Variants in GALNTL6 observed in about 807,000 individuals in gnomAD.
GALNTL6 encodes polypeptide N-acetylgalactosaminyltransferase-like 6.
In GALNTL6, 46 loss-of-function variants were observed where a neutral mutation model predicts 73.7. The observed-to-expected ratio is 0.62, with a 90% CI of 0.49 to 0.80. The LOEUF is 0.80. Ranked by LOEUF, GALNTL6 falls within the 30% of genes least tolerant of loss-of-function variation. GALNTL6 has a pLI of 0.00. For missense variants in GALNTL6, 604 were observed against 755.0 expected, an observed-to-expected ratio of 0.80 and a Z score of 2.34; for synonymous variants, 259 against 263.7, an observed-to-expected ratio of 0.98 and a Z score of 0.17.
Position 171,814,434 on chromosome 4 carries a change from T to G in GALNTL6, c.-147T>G. ...CAGATGGCCAACTCCCTCTGAATCCTGCAGATTGGTGCTGAGCACGCAACA... is the reference window on the plus strand; with the variant it reads ...CAGATGGCCAACTCCCTCTGAATCCGGCAGATTGGTGCTGAGCACGCAACA... On this transcript the variant is annotated 5_prime_UTR_variant, in exon 2 of 13. Transcript: ENST00000506823. 1.3e-6 allele frequency: 1 copy of G among 740,864 alleles called. No homozygotes were observed. Among genetic ancestry groups the G allele is most frequent in the Non-Finnish European group, 2.2e-6 (1 of 453,230 alleles). 45.9% of individuals were successfully genotyped at this position (740,864 alleles called of 1,614,324 possible). A position where few individuals can be genotyped will look rare whatever the true frequency, so the allele number is the denominator to read the frequency against.
At chr4:172,074,593 G>C (rs955479570) in intron 2 of GALNTL6, among the ~76,000 whole-genome samples, 1 of 151,864 alleles carries the variant, frequency 6.6e-6, no homozygotes, top group African/African-American at 2.4e-5. Flanking sequence ...TATAGCATAT[G>C]ACAAAATATA....
intron 2 of GALNTL6, among the ~76,000 whole-genome samples, chr4:172,115,559 G>A (rs888052948): frequency 5.9e-5 from 9 of 152,042 alleles, no homozygotes; most frequent in African/African-American, 2.2e-4. Context: ...AGAAACTAAT[G>A]ATGTATGTAA....
chr4:172,385,349 C>A (rs922529277), intron 5 of GALNTL6, among the ~76,000 whole-genome samples: 1 of 151,960 alleles, frequency 6.6e-6, no homozygotes, highest in South Asian at 2.1e-4. Flanking sequence ...CCTAGTTGTT[C>A]TATTCATTGT....
At chr4:172,612,012 G>A (rs944230649) in intron 5 of GALNTL6, among the ~76,000 whole-genome samples, 2 of 152,002 alleles carry the variant, frequency 1.3e-5, no homozygotes, top group African/African-American at 2.4e-5. Context: ...TAATCCCATT[G>A]TCTCAGTCTC....
chr4:171,854,950 A>G (rs896883431), intron 2 of GALNTL6, among the ~76,000 whole-genome samples: 1 of 152,190 alleles, frequency 6.6e-6, no homozygotes, highest in Non-Finnish European at 1.5e-5. Context: ...GCTATGCTCT[A>G]GCTGAGACGA....
chr4:172,194,480 C>A (rs1735688275), intron 2 of GALNTL6, among the ~76,000 whole-genome samples: 1 of 152,092 alleles, frequency 6.6e-6, no homozygotes, highest in African/African-American at 2.4e-5. Flanking sequence ...ATAAGAAGAT[C>A]AACCACAAGG....
At chr4:172,880,610 C>G (rs972103618) in intron 7 of GALNTL6, among the ~76,000 whole-genome samples, 75 of 152,200 alleles carry the variant, frequency 4.9e-4, no homozygotes, top group African/African-American at 1.8e-3. Context: ...CAAAACCTAT[C>G]AAACTGTACA....
chr4:172,268,073 A>G (rs1197567501), intron 3 of GALNTL6, among the ~76,000 whole-genome samples: 3 of 152,224 alleles, frequency 2.0e-5, no homozygotes, highest in Non-Finnish European at 2.9e-5. Context: ...TGGATATGCA[A>G]TTCTAAAGAT....
At chr4:171,823,955 C>T (rs1334500440) in intron 2 of GALNTL6, among the ~76,000 whole-genome samples, 1 of 150,288 alleles carries the variant, frequency 6.7e-6, no homozygotes, top group African/African-American at 2.4e-5. Context: ...TATAATAAAA[C>T]AACAATAAAA....
At chr4:171,947,207 T>C (rs182883659) in intron 2 of GALNTL6, among the ~76,000 whole-genome samples, 1 of 152,240 alleles carries the variant, frequency 6.6e-6, no homozygotes, top group Admixed American at 6.6e-5. Flanking sequence ...GTCATTCACC[T>C]CTTTTGCTTT....
intron 5 of GALNTL6, among the ~76,000 whole-genome samples, chr4:172,556,671 G>A (rs1338401928): frequency 1.3e-5 from 2 of 149,702 alleles, no homozygotes; most frequent in East Asian, 2.0e-4. Context: ...CTCCTAAAAT[G>A]TTTTCTGCAT....
At chr4:172,953,266 G>A (rs1749548627) in intron 10 of GALNTL6, among the ~76,000 whole-genome samples, 1 of 152,198 alleles carries the variant, frequency 6.6e-6, no homozygotes, top group South Asian at 2.1e-4. Context: ...TGTTGCTATA[G>A]CCTTTCTCCG....
At chr4:172,697,444 G>A (rs1314819841) in intron 5 of GALNTL6, among the ~76,000 whole-genome samples, 1 of 152,210 alleles carries the variant, frequency 6.6e-6, no homozygotes, top group Admixed American at 6.5e-5. Flanking sequence ...TCACTGGAGA[G>A]CAGTTGAGTA....
At chr4:172,938,078 T>C (rs1242409099) in intron 9 of GALNTL6, among the ~76,000 whole-genome samples, 1 of 152,182 alleles carries the variant, frequency 6.6e-6, no homozygotes, top group Admixed American at 6.5e-5. Context: ...TTCCTATGGT[T>C]ATTATACTTC....
chr4:173,002,275 A>T (rs572051760), intron 10 of GALNTL6, among the ~76,000 whole-genome samples: 1 of 151,972 alleles, frequency 6.6e-6, no homozygotes, highest in Non-Finnish European at 1.5e-5. Context: ...CTGTAGTCCC[A>T]GCTACTCAGG....
At chr4:172,535,480 G>A (rs979987000) in intron 5 of GALNTL6, among the ~76,000 whole-genome samples, 3 of 152,096 alleles carry the variant, frequency 2.0e-5, no homozygotes, top group Admixed American at 6.6e-5. Context: ...ACTTAACAAC[G>A]AATTACTTTT....
At chr4:172,636,102 A>G (rs1739664017) in intron 5 of GALNTL6, among the ~76,000 whole-genome samples, 1 of 152,098 alleles carries the variant, frequency 6.6e-6, no homozygotes, top group African/African-American at 2.4e-5. Context: ...TAATCTCATC[A>G]CCCAATCATT....
intron 5 of GALNTL6, among the ~76,000 whole-genome samples, chr4:172,353,439 A>G (rs1279345620): frequency 1.3e-5 from 2 of 152,192 alleles, no homozygotes; most frequent in Non-Finnish European, 2.9e-5. Context: ...TTGGATTTAT[A>G]AGTTTGTAAA....
intron 2 of GALNTL6, among the ~76,000 whole-genome samples, chr4:171,938,106 T>C (rs1738409536): frequency 6.6e-6 from 1 of 152,282 alleles, no homozygotes; most frequent in South Asian, 2.1e-4. Context: ...ATTTTTTCTT[T>C]TTTTTAAGTT....
Sources: gnomAD v4.1 joint callset for allele counts (sites outside exome capture counted in the v4.1 genomes callset) on GRCh38, gnomAD v4.1.1 for gene constraint, MANE v1.5 for transcripts, NCBI Gene and HGNC (gene_info 2026-07-23, HGNC 2026-07-21) for gene names.